The following ANK3 variants were observed in gnomAD, a reference collection of about 807,000 sequenced individuals.
The protein encoded by ANK3 is ankyrin-3.
In ANK3, 57 loss-of-function variants were observed where a neutral mutation model predicts 370.9. That is an observed-to-expected ratio of 0.15 (90% CI 0.12 to 0.19). ANK3 has a LOEUF of 0.19. Ranked by LOEUF, ANK3 falls within the 10% of genes least tolerant of loss-of-function variation. The pLI is 1.00. For missense variants in ANK3, 4,439 were observed against 5,302.1 expected (o/e 0.84, Z 5.06); for synonymous variants, 1,929 against 1,946.3 (o/e 0.99, Z 0.23).
chr10:60,625,751 T>A (rs2133334442), intron 1 of ANK3, among the ~76,000 whole-genome samples: 1 of 152,290 alleles, frequency 6.6e-6, no homozygotes, highest in Admixed American at 6.5e-5. Flanking sequence ...TACTAGAAGG[T>A]AACACACACA....
chr10:60,540,763 A>G (rs1204584219), intron 2 of ANK3, among the ~76,000 whole-genome samples: 2 of 151,958 alleles, frequency 1.3e-5, no homozygotes, highest in Non-Finnish European at 2.9e-5. Context: ...CCTATCACCA[A>G]CATAGCCATT....
intron 1 of ANK3, among the ~76,000 whole-genome samples, chr10:60,682,001 A>G (rs1019641642): frequency 1.3e-5 from 2 of 152,152 alleles, no homozygotes; most frequent in African/African-American, 4.8e-5. Flanking sequence ...AAAATGAAAA[A>G]TTAGCTGGGC....
At chr10:60,056,240 C>T (rs1185301311) in intron 41 of ANK3, among the ~76,000 whole-genome samples, 1 of 152,006 alleles carries the variant, frequency 6.6e-6, no homozygotes, top group Non-Finnish European at 1.5e-5. Flanking sequence ...GAGGCTGAGG[C>T]GGGAGATCAC....
At chr10:60,056,562 A>G (rs2079211059) in intron 41 of ANK3, among the ~76,000 whole-genome samples, 1 of 152,148 alleles carries the variant, frequency 6.6e-6, no homozygotes, top group Admixed American at 6.5e-5. Flanking sequence ...CAGTTGCCAA[A>G]TTGCCTAGCT....
At chr10:60,304,473 T>C (rs1435860550) in intron 1 of ANK3, among the ~76,000 whole-genome samples, 1 of 151,720 alleles carries the variant, frequency 6.6e-6, no homozygotes, top group Non-Finnish European at 1.5e-5. Context: ...CGAAACCCTG[T>C]CTCTACTAAA....
At chr10:60,243,053 G>C (rs1177616092) in intron 7 of ANK3, among the ~76,000 whole-genome samples, 1 of 152,128 alleles carries the variant, frequency 6.6e-6, no homozygotes, top group Non-Finnish European at 1.5e-5. Flanking sequence ...GAGCACCTAA[G>C]AGTGTGTTAA....
chr10:60,336,868 G>A (rs910656796), intron 1 of ANK3, among the ~76,000 whole-genome samples: 1 of 152,108 alleles, frequency 6.6e-6, no homozygotes, highest in Non-Finnish European at 1.5e-5. Flanking sequence ...CTCGTCCCTC[G>A]GACCATTTTG....
intron 20 of ANK3, 42 bp downstream of exon 20, chr10:60,172,858 C>G: frequency 7.3e-7 from 1 of 1,361,602 alleles, no homozygotes. Flanking sequence ...CCAGGCCCAT[C>G]TATCTCCTCC....
chr10:60,458,547 A>C (rs10821768), intron 2 of ANK3, among the ~76,000 whole-genome samples: 53,869 of 151,962 alleles, frequency 0.35, 9,671 homozygotes, highest in South Asian at 0.47. Flanking sequence ...AAAATTCAGC[A>C]AGAGCACAAG....
intron 2 of ANK3, among the ~76,000 whole-genome samples, chr10:60,526,072 C>T (rs543241700): frequency 7.9e-5 from 12 of 152,076 alleles, no homozygotes; most frequent in Non-Finnish European, 1.6e-4. Flanking sequence ...AACTCTGACT[C>T]CTCCAGGACA....
intron 2 of ANK3, among the ~76,000 whole-genome samples, chr10:60,581,901 G>C (rs1434448224): frequency 1.3e-5 from 2 of 152,058 alleles, no homozygotes; most frequent in African/African-American, 2.4e-5. Context: ...ATTGGATAAA[G>C]AAAATGTGGC....
chr10:60,134,914 G>C (rs2094263720), intron 24 of ANK3, among the ~76,000 whole-genome samples: 1 of 152,124 alleles, frequency 6.6e-6, no homozygotes, highest in South Asian at 2.1e-4. Context: ...CATCTTCCTG[G>C]CTTTGAGGAA....
intron 2 of ANK3, among the ~76,000 whole-genome samples, chr10:60,581,673 C>T (rs186531323): frequency 2.1e-4 from 32 of 151,848 alleles, no homozygotes; most frequent in Middle Eastern, 3.4e-3. Context: ...CTCCTGACAT[C>T]GTGATCCATC....
chr10:60,309,350 C>T (rs150324403), intron 1 of ANK3, among the ~76,000 whole-genome samples: 11 of 152,322 alleles, frequency 7.2e-5, no homozygotes, highest in Admixed American at 2.6e-4. Context: ...GCAAAACTCA[C>T]AATTGATTAT....
At chr10:60,206,609 C>T (rs1186982084) in intron 10 of ANK3, among the ~76,000 whole-genome samples, 1 of 152,198 alleles carries the variant, frequency 6.6e-6, no homozygotes, top group African/African-American at 2.4e-5. Flanking sequence ...TGTTTTAGGA[C>T]AACTACAAGA....
intron 2 of ANK3, among the ~76,000 whole-genome samples, chr10:60,556,201 A>G (rs2077202791): frequency 6.6e-6 from 1 of 152,236 alleles, no homozygotes; most frequent in South Asian, 2.1e-4. Flanking sequence ...CAATATGCAG[A>G]ACAGAAGGCA....
intron 23 of ANK3, among the ~76,000 whole-genome samples, chr10:60,164,383 A>C (rs1461141173): frequency 1.3e-5 from 2 of 152,096 alleles, no homozygotes; most frequent in Non-Finnish European, 2.9e-5. Context: ...TATTGTGTTC[A>C]GTTCTGGTCA....
intron 1 of ANK3, among the ~76,000 whole-genome samples, chr10:60,727,721 C>T (rs1381512536): frequency 6.6e-6 from 1 of 152,066 alleles, no homozygotes; most frequent in Non-Finnish European, 1.5e-5. Context: ...CCTCAGTTCT[C>T]TCATATCTAA....
chr10:60,708,743 A>G (rs1405061845), intron 1 of ANK3, among the ~76,000 whole-genome samples: 1 of 152,210 alleles, frequency 6.6e-6, no homozygotes, highest in Admixed American at 6.5e-5. Context: ...AGAAAGGCTG[A>G]GAAGCACTTG....
Sources: gnomAD v4.1 joint callset for allele counts (sites outside exome capture counted in the v4.1 genomes callset) on GRCh38, gnomAD v4.1.1 for gene constraint, MANE v1.5 for transcripts, NCBI Gene and HGNC (gene_info 2026-07-23, HGNC 2026-07-21) for gene names.